SLC35E3: variants seen among roughly 807,000 people sequenced by gnomAD.
SLC35E3 encodes the protein solute carrier family 35 member E3, also known as bladder cancer-overexpressed gene 1 protein.
SLC35E3 carries 28 observed loss-of-function variants against 30.8 expected under a neutral mutation model. That is an observed-to-expected ratio of 0.91 (90% CI 0.67 to 1.25). The LOEUF is 1.25. Ranked by LOEUF, SLC35E3 falls within the 50% of genes most tolerant of loss-of-function variation. The probability of loss-of-function intolerance (pLI) is 0.00; values close to 1 mark genes in which losing one functional copy is unlikely to be tolerated. For synonymous variants in SLC35E3, 146 were observed against 149.2 expected (o/e 0.98, Z 0.16); for missense variants, 365 against 375.4 (o/e 0.97, Z 0.23).
rs1165218561 is a variant in SLC35E3 at position 68,753,878 on chromosome 12, TCTCA to T, written c.672+1692_672+1695del. Among the ~76,000 whole-genome samples the T allele has an allele frequency of 2.0e-5, 3 of 151,564 alleles. No homozygotes were observed. The East Asian group carries it at 5.8e-4, about 29-fold the overall frequency. On this transcript the variant is annotated intron_variant, in intron 3 of 4. Coordinates refer to ENST00000398004, the MANE Select transcript of SLC35E3 (RefSeq NM_018656.5). ...TTCTTTTCTTTTTTTTGAGATGGAG[TCTCA>T]CTCTGTCGCCCAGGCTGGAGTGCAG...
At chr12:68,746,858 T>G in intron 1 of SLC35E3, 79 bp downstream of exon 1, 1 of 1,397,274 alleles carries the variant, frequency 7.2e-7, no homozygotes, top group Non-Finnish European at 9.7e-7. Context: ...GAACGCACAC[T>G]GGTCTTTCCC....
intron 2 of SLC35E3, among the ~76,000 whole-genome samples, chr12:68,750,494 G>A (rs1426107001): frequency 1.3e-5 from 2 of 152,248 alleles, no homozygotes; most frequent in African/African-American, 2.4e-5. Flanking sequence ...TCTGCAAAGA[G>A]GGCTCGCAGG....
chr12:68,764,915 G>A lies in SLC35E3; in HGVS notation c.*25G>A. On this transcript the variant is annotated 3_prime_UTR_variant, in exon 5 of 5. Coordinates refer to ENST00000398004, the MANE Select transcript of SLC35E3 (RefSeq NM_018656.5). ...ATTGGGTTTTTGTGGAGAAAAGAAT[G>A]TTGTCCCAAGAAGATAAAAAATATT... The A allele has an allele frequency of 1.9e-6, 3 of 1,601,636 alleles. No individual in the cohort carries two copies. Among genetic ancestry groups the A allele is most frequent in the South Asian group, 1.1e-5 (1 of 89,954 alleles).
At chr12:68,752,563 A>G (rs1166109870) in intron 3 of SLC35E3, among the ~76,000 whole-genome samples, 1 of 152,244 alleles carries the variant, frequency 6.6e-6, no homozygotes, top group African/African-American at 2.4e-5. Flanking sequence ...TTTTGAACAT[A>G]CGTAAAAATA....
chr12:68,748,288 G>T (rs1878671063), intron 2 of SLC35E3, among the ~76,000 whole-genome samples: 1 of 152,104 alleles, frequency 6.6e-6, no homozygotes, highest in Non-Finnish European at 1.5e-5. Context: ...AGCTTGGGGT[G>T]AAGTTATTTT....
rs1458218029 is a variant in SLC35E3, at chr12:68,747,954, C to A, written c.427C>A (p.Leu143Ile). ...TLIPITLGVI[L>I]NSYYDVKFNF... Reference sequence around the variant, plus strand: ...GATTCCTATAACTTTAGGTGTAATCCTAAATTCTTATTACGATGTGAAGTT... The same window carrying A: ...GATTCCTATAACTTTAGGTGTAATCATAAATTCTTATTACGATGTGAAGTT... The change falls in exon 2 of 5, where the codon CTA becomes ATA. Residue 143 changes from leucine (L) to isoleucine (I), a missense_variant. Coordinates refer to ENST00000398004, the MANE Select transcript of SLC35E3 (RefSeq NM_018656.5). 1 of 1,601,720 alleles carries A rather than the reference C, an allele frequency of 6.2e-7. No individual in the cohort carries two copies. Among genetic ancestry groups the A allele is most frequent in the East Asian group, 2.2e-5 (1 of 44,620 alleles).
intron 3 of SLC35E3, among the ~76,000 whole-genome samples, chr12:68,753,572 T>G (rs1273550925): frequency 6.6e-6 from 1 of 152,196 alleles, no homozygotes; most frequent in Non-Finnish European, 1.5e-5. Flanking sequence ...GGATCTCTTT[T>G]GTATAAACAC....
At position 68,766,921 on chromosome 12, in the gene SLC35E3, C is replaced by A. The variant is rs561425235; in HGVS notation, c.*2031C>A. On this transcript the variant is annotated 3_prime_UTR_variant, in exon 5 of 5. Coordinates refer to ENST00000398004, the MANE Select transcript of SLC35E3 (RefSeq NM_018656.5). ...AATCCTACCTCCCTGCTTCTATTGCCTAGCCCGTACATTTGAGGCTTCCAT... is the reference window on the plus strand; with the variant it reads ...AATCCTACCTCCCTGCTTCTATTGCATAGCCCGTACATTTGAGGCTTCCAT... The A allele has an allele frequency of 1.0e-5, 3 of 295,592 alleles. No individual in the cohort carries two copies. Among genetic ancestry groups the A allele is most frequent in the African/African-American group, 6.7e-5 (3 of 45,078 alleles). The allele number at this position is 295,592 out of a possible 1,614,324, so 18.3% of individuals were successfully genotyped here. A position where few individuals can be genotyped will look rare whatever the true frequency, so the allele number is the denominator to read the frequency against.
intron 3 of SLC35E3, among the ~76,000 whole-genome samples, 178 bp from the exon 4 acceptor site, chr12:68,758,979 T>G (rs1193689925): frequency 6.6e-6 from 1 of 152,166 alleles, no homozygotes; most frequent in African/African-American, 2.4e-5. Context: ...TCCGCCCGCC[T>G]TGGCCTCCCA....
intron 3 of SLC35E3, among the ~76,000 whole-genome samples, chr12:68,758,406 T>A (rs1879108319): frequency 6.6e-6 from 1 of 151,092 alleles, no homozygotes. Flanking sequence ...GGTGACAGAG[T>A]GAAACTCCGT....
intron 2 of SLC35E3, among the ~76,000 whole-genome samples, chr12:68,751,662 C>T (rs1011099455): frequency 9.2e-5 from 14 of 152,120 alleles, no homozygotes; most frequent in African/African-American, 2.7e-4. Context: ...ATCTGTATTC[C>T]TAATCACCTG....
At chr12:68,748,188 A>T (rs951607936) in intron 2 of SLC35E3, 148 bp downstream of exon 2, 22 of 559,594 alleles carry the variant, frequency 3.9e-5, no homozygotes, top group Non-Finnish European at 6.7e-5. Flanking sequence ...CAAGGTGAAG[A>T]GAAGAAAGGA....
chr12:68,764,780 A>C lies in SLC35E3; in HGVS notation c.832A>C (p.Ile278Leu). Residue 278 changes from isoleucine to leucine, a missense_variant, in exon 5 of 5, where the codon ATT becomes CTT. By Grantham distance (5) the Ile-to-Leu change is conservative. Coordinates refer to ENST00000398004, the MANE Select transcript of SLC35E3 (RefSeq NM_018656.5). ...GYVLFKDPLS[I>L]NQALGILCTL... ...TGTTTTATTTAAGGATCCACTGTCC[A>C]TTAATCAGGCCCTTGGCATTTTATG... 6.2e-7 allele frequency: 1 copy of C among 1,614,160 alleles called. No homozygotes were observed. The highest frequency in any genetic ancestry group is 2.2e-5 in the East Asian group (1 of 44,878).
In SLC35E3 at chr12:68,768,646, T is replaced by C. The variant is rs1048889377; in HGVS notation, c.*3756T>C. 1 of 152,236 alleles carries C rather than the reference T, an allele frequency of 6.6e-6. No individual in the cohort carries two copies. Among genetic ancestry groups the C allele is most frequent in the Non-Finnish European group, 1.5e-5 (1 of 68,032 alleles). 9.4% of individuals were successfully genotyped at this position (152,236 alleles called of 1,614,324 possible). A position where few individuals can be genotyped will look rare whatever the true frequency, so the allele number is the denominator to read the frequency against. Reference sequence around the variant, plus strand: ...TGTTAAGTGACTGAATTTCAATTTTTACCTTTTAAAAATAAAGAGAACCTC... The same window carrying C: ...TGTTAAGTGACTGAATTTCAATTTTCACCTTTTAAAAATAAAGAGAACCTC... On this transcript the variant is annotated 3_prime_UTR_variant, in exon 5 of 5. Coordinates refer to ENST00000398004, the MANE Select transcript of SLC35E3 (RefSeq NM_018656.5).
At chr12:68,751,509 G>A (rs1484047061) in intron 2 of SLC35E3, among the ~76,000 whole-genome samples, 1 of 152,104 alleles carries the variant, frequency 6.6e-6, no homozygotes, top group Non-Finnish European at 1.5e-5. Context: ...GGCCAGGCTG[G>A]TCTCGGACTC....
intron 2 of SLC35E3, among the ~76,000 whole-genome samples, chr12:68,751,417 G>A (rs768777958): frequency 2.0e-5 from 3 of 151,596 alleles, no homozygotes; most frequent in Non-Finnish European, 2.9e-5. Context: ...CCTGCTCAGC[G>A]TCCCGAGTAG....
At chr12:68,750,126 G>A (rs535468604) in intron 2 of SLC35E3, among the ~76,000 whole-genome samples, 2 of 152,266 alleles carry the variant, frequency 1.3e-5, no homozygotes, top group African/African-American at 2.4e-5. Context: ...GGGGAACATA[G>A]GAGAACCTGA....
At position 68,774,902 on chromosome 12, in the gene SLC35E3, T is replaced by C. The variant is rs1233618012; in HGVS notation, c.*10012T>C. ...GTGGCTCACGCATAATCCCAACACT[T>C]TGGGAGGCTGAGGTGGGTGGATCAC... On this transcript the variant is annotated 3_prime_UTR_variant, in exon 5 of 5. Coordinates refer to ENST00000398004, the MANE Select transcript of SLC35E3 (RefSeq NM_018656.5). 3 of 151,502 alleles carry C rather than the reference T, an allele frequency of 2.0e-5. No homozygotes were observed. The highest frequency in any genetic ancestry group is 7.3e-5 in the African/African-American group (3 of 41,226). The allele number at this position is 151,502 out of a possible 1,614,324, so 9.4% of individuals were successfully genotyped here.
intron 3 of SLC35E3, among the ~76,000 whole-genome samples, chr12:68,754,409 G>A (rs768851020): frequency 2.6e-5 from 4 of 151,882 alleles, no homozygotes; most frequent in Non-Finnish European, 4.4e-5. Flanking sequence ...TCAGCCTCCC[G>A]AGTAGCTGGA....
Sources: allele counts gnomAD v4.1 joint callset (sites outside exome capture counted in the v4.1 genomes callset), GRCh38; gene constraint gnomAD v4.1.1; transcripts MANE v1.5; gene names NCBI Gene and HGNC (gene_info 2026-07-23, HGNC 2026-07-21).